Variants in CUBN observed in about 807,000 individuals in gnomAD.
CUBN encodes the protein cubilin.
A neutral mutation model predicts 405.3 loss-of-function variants in CUBN; 282 were observed. The observed-to-expected ratio is 0.70, with a 90% CI of 0.63 to 0.77. CUBN has a LOEUF of 0.77. Among genes scored for constraint, CUBN ranks in the 30% least tolerant of loss-of-function variants. The probability of loss-of-function intolerance (pLI) is 0.00; values close to 1 mark genes in which losing one functional copy is unlikely to be tolerated. For synonymous variants in CUBN, 1,684 were observed against 1,617.0 expected (o/e 1.04, Z -0.99); for missense variants, 4,514 against 4,475.2 (o/e 1.01, Z -0.25).
intron 53 of CUBN, among the ~76,000 whole-genome samples, chr10:16,900,359 A>T (rs112815729): frequency 1.9e-3 from 297 of 152,324 alleles, no homozygotes; most frequent in African/African-American, 6.7e-3. Context: ...TCTGGACTGA[A>T]TTGCCTTTAT....
intron 4 of CUBN, among the ~76,000 whole-genome samples, chr10:17,126,503 G>A (rs1453569940): frequency 6.6e-6 from 1 of 152,200 alleles, no homozygotes; most frequent in Non-Finnish European, 1.5e-5. Context: ...GGTAAAGGAT[G>A]TGGGCTGTGG....
chr10:17,122,679 T>G, intron 6 of CUBN, 116 bp downstream of exon 6: 2 of 714,458 alleles, frequency 2.8e-6, no homozygotes, highest in Non-Finnish European at 5.1e-6. Context: ...TATTTCCTCA[T>G]GGAGTACCAA....
rs757195859 is a variant in CUBN at position 16,950,002 on chromosome 10, T to C, written c.5079A>G (p.Arg1693=). 1 of 1,612,054 alleles carries C rather than the reference T, an allele frequency of 6.2e-7. No individual in the cohort carries two copies. The highest frequency in any genetic ancestry group is 8.5e-7 in the Non-Finnish European group (1 of 1,178,474). The change falls in exon 34 of 67, where the codon CGA becomes CGG. Residue 1693 remains arginine (R), a splice_region_variant and synonymous_variant. Transcript: ENST00000377833. ...GTAGATGAGTGAACGCTGAGGTACC[T>C]CGGAGGGGCGCGTCTTCGTGGCCGC... ...LDGGHEDAPL[R]GRYCGTDMPH... is the part of the protein sequence containing the mutation.
At chr10:17,117,243 C>T (rs1000797717) in intron 6 of CUBN, among the ~76,000 whole-genome samples, 3 of 152,014 alleles carry the variant, frequency 2.0e-5, no homozygotes, top group Non-Finnish European at 4.4e-5. Flanking sequence ...TAATTAGACT[C>T]TTGAGGATTA....
intron 43 of CUBN, 60 bp downstream of exon 43, chr10:16,925,181 A>G (rs1418916391): frequency 2.1e-6 from 3 of 1,431,894 alleles, no homozygotes; most frequent in African/African-American, 2.8e-5. Flanking sequence ...AAAATTTTAT[A>G]TCAAAGAAGA....
intron 60 of CUBN, among the ~76,000 whole-genome samples, chr10:16,841,378 T>C (rs958767287): frequency 1.3e-5 from 2 of 152,194 alleles, no homozygotes; most frequent in African/African-American, 4.8e-5. Context: ...CTTGCCTAGA[T>C]GATCACTGCA....
intron 17 of CUBN, among the ~76,000 whole-genome samples, chr10:17,074,807 A>C (rs1835817353): frequency 6.6e-6 from 1 of 152,094 alleles, no homozygotes; most frequent in African/African-American, 2.4e-5. Flanking sequence ...ATTTTTTCTT[A>C]ATGTTATTCT....
At chr10:17,017,261 T>C (rs1052106550) in intron 28 of CUBN, among the ~76,000 whole-genome samples, 3 of 152,160 alleles carry the variant, frequency 2.0e-5, no homozygotes, top group African/African-American at 7.2e-5. Flanking sequence ...CTAGTTTTCC[T>C]CCTAGACCAC....
chr10:16,889,688 G>A (rs1463997242), intron 55 of CUBN, among the ~76,000 whole-genome samples: 1 of 151,130 alleles, frequency 6.6e-6, no homozygotes, highest in African/African-American at 2.4e-5. Context: ...GAGGTCAAGA[G>A]ATCAAGATCA....
chr10:16,831,712 C>A (rs1328850499), intron 64 of CUBN, among the ~76,000 whole-genome samples: 1 of 152,170 alleles, frequency 6.6e-6, no homozygotes, highest in Non-Finnish European at 1.5e-5. Flanking sequence ...TGTGATCCTG[C>A]AGCCTTTGCT....
At chr10:16,919,892 C>A in intron 44 of CUBN, 71 bp downstream of exon 44, 1 of 1,478,106 alleles carries the variant, frequency 6.8e-7, no homozygotes, top group Non-Finnish European at 9.4e-7. Flanking sequence ...AAGAAATGGA[C>A]TGTTTTGAGA....
chr10:16,928,517 CCACCCCA>C (rs1160175722), intron 40 of CUBN, among the ~76,000 whole-genome samples: 27 of 122,702 alleles, frequency 2.2e-4, no homozygotes, highest in African/African-American at 7.3e-4. Context: ...TACCCCCACC[CCACCCCA>C]CCCCCCCCTT....
chr10:17,105,336 A>T (rs1256429500), intron 11 of CUBN, 121 bp downstream of exon 11: 1 of 777,324 alleles, frequency 1.3e-6, no homozygotes, highest in East Asian at 2.5e-5. Context: ...AGTTCTCGAC[A>T]GTTCCTTATC....
At chr10:17,061,339 G>A (rs769136214) in intron 22 of CUBN, among the ~76,000 whole-genome samples, 4 of 152,082 alleles carry the variant, frequency 2.6e-5, no homozygotes, top group African/African-American at 4.8e-5. Context: ...ATTGCTTGGC[G>A]AACAAGCACC....
rs770296518 is a variant in CUBN, at chr10:16,918,600, A to T, written c.7000+22T>A. ...CACATGTACCCCTGAACCTAAAATA[A>T]AAGTTTTAAAAAAATTATTACCTAT... On this transcript the variant is annotated intron_variant, in intron 45 of 66. Coordinates refer to ENST00000377833, the MANE Select transcript of CUBN (RefSeq NM_001081.4). The T allele has an allele frequency of 8.8e-6, 14 of 1,593,622 alleles. No individual in the cohort carries two copies. In the Admixed American group the frequency reaches 2.2e-4, roughly 25 times the overall value.
intron 31 of CUBN, among the ~76,000 whole-genome samples, chr10:16,975,026 T>C (rs1442301472): frequency 6.6e-6 from 1 of 151,970 alleles, no homozygotes; most frequent in Non-Finnish European, 1.5e-5. Flanking sequence ...AGTAGTTAAG[T>C]TTTGGGGGAC....
intron 27 of CUBN, among the ~76,000 whole-genome samples, chr10:17,039,431 T>A (rs1804475863): frequency 6.6e-6 from 1 of 152,192 alleles, no homozygotes. Context: ...GGTTACAAAG[T>A]TAGTAGGAGA....
rs1457350737 is a variant in CUBN, at chr10:16,969,785, C to T, written c.4695+12699G>A. On this transcript the variant is annotated intron_variant, in intron 31 of 66. Transcript: ENST00000377833. ...CAATTTGGAACCTATAGGGACTAGG[C>T]CTACTCTAAGAAGAGCTTTCTATTG... Among the ~76,000 whole-genome samples the T allele has an allele frequency of 2.0e-5, 3 of 152,084 alleles. No homozygotes were observed. The South Asian group carries it at 6.2e-4, about 32-fold the overall frequency.
In CUBN at chr10:17,082,639, C is replaced by T. The variant is rs547853546; in HGVS notation, c.2301+1632G>A. Among the ~76,000 whole-genome samples the T allele has an allele frequency of 2.9e-4, 44 of 152,256 alleles. No homozygotes were observed. In the South Asian group the frequency reaches 7.5e-3, roughly 26 times the overall value. ...GATGCTCGGCTTCATGTTTTAGTCT[C>T]GTGATCGGAGAGCCAGGTATGGAAT... On this transcript the variant is annotated intron_variant, in intron 17 of 66. Coordinates refer to ENST00000377833, the MANE Select transcript of CUBN (RefSeq NM_001081.4).
Sources: allele counts gnomAD v4.1 joint callset (sites outside exome capture counted in the v4.1 genomes callset), GRCh38; gene constraint gnomAD v4.1.1; transcripts MANE v1.5; gene names NCBI Gene and HGNC (gene_info 2026-07-23, HGNC 2026-07-21).